CIT: variants seen among roughly 807,000 people sequenced by gnomAD.
CIT encodes the protein citron rho-interacting serine/threonine kinase, also known as citron Rho-interacting kinase.
A neutral mutation model predicts 272.7 loss-of-function variants in CIT; 79 were observed. The observed-to-expected ratio is 0.29, with a 90% confidence interval of 0.24 to 0.35. CIT has a LOEUF of 0.35. CIT is among the 10% of genes least tolerant of loss of function. The pLI is 1.00. For synonymous variants in CIT, 948 were observed against 995.6 expected, an observed-to-expected ratio of 0.95 and a Z score of 0.90; for missense variants, 1,909 against 2,618.3, an observed-to-expected ratio of 0.73 and a Z score of 5.91.
At chr12:119,691,171 CAAAAAAAA>C (rs35222584) in intron 46 of CIT, among the ~76,000 whole-genome samples, 1 of 70,256 alleles carries the variant, frequency 1.4e-5, no homozygotes, top group Non-Finnish European at 2.7e-5. Flanking sequence ...GACTCCGTCT[CAAAAAAAA>C]AAAAAAAAAA....
chr12:119,843,412 T>C (rs1207304687), intron 5 of CIT, among the ~76,000 whole-genome samples: 1 of 151,990 alleles, frequency 6.6e-6, no homozygotes, highest in Non-Finnish European at 1.5e-5. Context: ...GTAGAGAAGA[T>C]GGATGCCTGA....
chr12:119,851,841 A>G (rs1970240906), intron 4 of CIT, among the ~76,000 whole-genome samples: 1 of 152,176 alleles, frequency 6.6e-6, no homozygotes, highest in Non-Finnish European at 1.5e-5. Context: ...GTTACAGACC[A>G]GCCTGGACAA....
chr12:119,703,900 A>C (rs1183070817), intron 41 of CIT, among the ~76,000 whole-genome samples: 1 of 152,182 alleles, frequency 6.6e-6, no homozygotes, highest in East Asian at 1.9e-4. Flanking sequence ...CTCTGCTCCG[A>C]AAAGAAGGAG....
chr12:119,863,826 G>A (rs1463982065), intron 3 of CIT, among the ~76,000 whole-genome samples: 1 of 149,066 alleles, frequency 6.7e-6, no homozygotes, highest in African/African-American at 2.5e-5. Context: ...CACCACGCCG[G>A]ACCAAAAGTT....
chr12:119,844,087 C>A (rs1175810668), intron 5 of CIT, among the ~76,000 whole-genome samples: 1 of 148,228 alleles, frequency 6.7e-6, no homozygotes, highest in African/African-American at 2.5e-5. Context: ...AGTGGCATGA[C>A]CTTGGCTCAC....
chr12:119,726,923 A>G (rs1344577952), intron 28 of CIT, among the ~76,000 whole-genome samples: 1 of 152,200 alleles, frequency 6.6e-6, no homozygotes, highest in Non-Finnish European at 1.5e-5. Flanking sequence ...TATGCTTCAA[A>G]AGCAGGGCAC....
At chr12:119,826,543 CCCTTT>C (rs1455839855) in intron 7 of CIT, among the ~76,000 whole-genome samples, 1 of 152,172 alleles carries the variant, frequency 6.6e-6, no homozygotes, top group African/African-American at 2.4e-5. Flanking sequence ...AGCTAGCAAC[CCCTTT>C]GGTCTTCAAA....
At chr12:119,870,833 C>T (rs10744744) in intron 2 of CIT, among the ~76,000 whole-genome samples, 28,822 of 151,958 alleles carry the variant, frequency 0.19, 3,068 homozygotes, top group East Asian at 0.4. Flanking sequence ...AAAAAAGTTA[C>T]GAGTCAGCCA....
Position 119,690,577 on chromosome 12 carries a change from T to C in CIT, c.5883-123A>G. ...CCACTGATTATCAAGAGATTAGACC[T>C]GGAGTTCTTTGGACTTTGCCTGCAT... On this transcript the variant is annotated intron_variant, in intron 46 of 47. Coordinates refer to ENST00000392521, the MANE Select transcript of CIT (RefSeq NM_001206999.2). The surrounding 1 kb of genome is among the most constrained non-coding windows in gnomAD (Gnocchi z 6.0). 2.2e-6 allele frequency: 2 copies of C among 913,868 alleles called. No individual in the cohort carries two copies. The highest frequency in any genetic ancestry group is 1.7e-5 in the African/African-American group (1 of 57,228). 56.6% of individuals were successfully genotyped at this position (913,868 alleles called of 1,614,324 possible).
chr12:119,791,616 C>A (rs1965314563), intron 10 of CIT, among the ~76,000 whole-genome samples: 1 of 152,254 alleles, frequency 6.6e-6, no homozygotes, highest in African/African-American at 2.4e-5. Context: ...GATACACAGC[C>A]AGTTATCCCC....
chr12:119,689,748 G>C (rs1306900173), intron 47 of CIT, among the ~76,000 whole-genome samples: 1 of 137,894 alleles, frequency 7.3e-6, no homozygotes, highest in African/African-American at 2.7e-5. Flanking sequence ...CGCGATCTCG[G>C]CTCACTGCAA....
At chr12:119,764,066 CTT>C (rs891510502) in intron 19 of CIT, among the ~76,000 whole-genome samples, 8 of 152,166 alleles carry the variant, frequency 5.3e-5, no homozygotes, top group African/African-American at 1.9e-4. Flanking sequence ...AACAAATTAA[CTT>C]AAGTTTCAGT....
At chr12:119,734,739 C>T (rs1262505547) in intron 25 of CIT, among the ~76,000 whole-genome samples, 2 of 152,250 alleles carry the variant, frequency 1.3e-5, no homozygotes, top group East Asian at 1.9e-4. Flanking sequence ...TGGGTTCAAG[C>T]GTTCCTCCCG....
At chr12:119,796,484 GC>G (rs2137818551) in intron 10 of CIT, among the ~76,000 whole-genome samples, 1 of 152,320 alleles carries the variant, frequency 6.6e-6, no homozygotes, top group Admixed American at 6.5e-5. Flanking sequence ...CAGCTTTCTT[GC>G]CTAGAAGGGT....
At position 119,718,590 on chromosome 12, in the gene CIT, A is replaced by G. The variant is rs1593465076; in HGVS notation, c.4003+109T>C. On this transcript the variant is annotated intron_variant, in intron 31 of 47. Transcript: ENST00000392521. The surrounding 1 kb of genome is among the most constrained non-coding windows in gnomAD (Gnocchi z 4.8). ...CATGGGATGTCTGGTCTGAAAGCGT[A>G]TGGGCCATAAACGAAGACACTGAGC... 3.4e-6 allele frequency: 5 copies of G among 1,468,108 alleles called. No individual in the cohort carries two copies. The East Asian group carries it at 9.1e-5, about 27-fold the overall frequency. 90.9% of individuals were successfully genotyped at this position (1,468,108 alleles called of 1,614,324 possible). A position where few individuals can be genotyped will look rare whatever the true frequency, so the allele number is the denominator to read the frequency against.
intron 39 of CIT, 111 bp from the exon 40 acceptor site, chr12:119,708,429 G>T (rs1956986802): frequency 2.7e-6 from 3 of 1,106,800 alleles, no homozygotes; most frequent in East Asian, 2.9e-5. Flanking sequence ...CCACACAGAT[G>T]ATCTGAGTTT....
At chr12:119,789,831 G>A (rs1283648304) in intron 10 of CIT, among the ~76,000 whole-genome samples, 1 of 151,780 alleles carries the variant, frequency 6.6e-6, no homozygotes, top group Non-Finnish European at 1.5e-5. Context: ...CTCAGCTCCC[G>A]AGTAGCTGGG....
intron 9 of CIT, among the ~76,000 whole-genome samples, chr12:119,820,253 A>G (rs763466811): frequency 6.6e-6 from 1 of 152,212 alleles, no homozygotes; most frequent in Non-Finnish European, 1.5e-5. Flanking sequence ...ACTGTTATGT[A>G]AGAGTTAACA....
intron 26 of CIT, 52 bp downstream of exon 26, chr12:119,734,112 C>T (rs1039910150): frequency 1.0e-5 from 16 of 1,575,686 alleles, no homozygotes; most frequent in East Asian, 2.2e-5. Flanking sequence ...ACTCTCAGGC[C>T]GATCCTCCTG....
Sources: allele counts gnomAD v4.1 joint callset (sites outside exome capture counted in the v4.1 genomes callset), GRCh38; gene constraint gnomAD v4.1.1; non-coding constraint Gnocchi (gnomAD v3.1); transcripts MANE v1.5; gene names NCBI Gene and HGNC (gene_info 2026-07-23, HGNC 2026-07-21).